MALRD1: variants seen among roughly 807,000 people sequenced by gnomAD.
MALRD1 encodes the protein MAM and LDL receptor class A domain containing 1.
MALRD1 carries 247 observed loss-of-function variants against 242.1 expected under a neutral mutation model. That is an observed-to-expected ratio of 1.02 (90% confidence interval 0.92 to 1.13). The LOEUF is 1.13. MALRD1 is among the 50% of genes most tolerant of loss of function. The pLI, the probability that MALRD1 is intolerant of heterozygous loss-of-function variation, is 0.00. For missense variants in MALRD1, 2,989 were observed against 2,533.1 expected (o/e 1.18, Z -3.86); for synonymous variants, 995 against 866.6 (o/e 1.15, Z -2.60).
chr10:19,510,120 T>C (rs1833328876), intron 31 of MALRD1, among the ~76,000 whole-genome samples: 2 of 152,204 alleles, frequency 1.3e-5, no homozygotes, highest in African/African-American at 4.8e-5. Context: ...GGTGCTGTGC[T>C]TTTGATGTGC....
chr10:19,443,234 T>G (rs559024550), intron 28 of MALRD1, among the ~76,000 whole-genome samples: 1 of 152,098 alleles, frequency 6.6e-6, no homozygotes, highest in African/African-American at 2.4e-5. Context: ...GTCTTGCTAG[T>G]GGTCTATCAA....
intron 25 of MALRD1, among the ~76,000 whole-genome samples, chr10:19,350,484 C>G (rs1422082560): frequency 1.3e-5 from 2 of 151,884 alleles, no homozygotes; most frequent in Non-Finnish European, 1.5e-5. Context: ...ACCAAGTTGG[C>G]AAGGCTGGTC....
At chr10:19,084,360 A>G (rs1015146197) in intron 2 of MALRD1, among the ~76,000 whole-genome samples, 1 of 151,948 alleles carries the variant, frequency 6.6e-6, no homozygotes, top group African/African-American at 2.4e-5. Context: ...AAGTTTTGAC[A>G]TGTTAACATT....
intron 14 of MALRD1, among the ~76,000 whole-genome samples, chr10:19,202,561 T>C (rs1372089174): frequency 1.3e-5 from 2 of 152,176 alleles, no homozygotes; most frequent in East Asian, 3.9e-4. Context: ...TGTAATCTCA[T>C]TTAGTGATTT....
intron 5 of MALRD1, among the ~76,000 whole-genome samples, chr10:19,106,388 G>A (rs937702371): frequency 6.6e-6 from 1 of 151,690 alleles, no homozygotes; most frequent in Admixed American, 6.6e-5. Flanking sequence ...TAGGTTTTAT[G>A]TGTCCAGGAA....
At chr10:19,637,518 G>A (rs1840193644) in intron 36 of MALRD1, among the ~76,000 whole-genome samples, 1 of 152,174 alleles carries the variant, frequency 6.6e-6, no homozygotes, top group South Asian at 2.1e-4. Context: ...TGGATACCAT[G>A]TTGACCCGGC....
chr10:19,399,535 T>C (rs1289261070), intron 28 of MALRD1, among the ~76,000 whole-genome samples: 4 of 152,328 alleles, frequency 2.6e-5, no homozygotes, highest in Admixed American at 2.6e-4. Context: ...CTGACTCGGA[T>C]GCTGCTATAA....
intron 18 of MALRD1, among the ~76,000 whole-genome samples, chr10:19,227,183 A>G (rs1040821333): frequency 6.6e-6 from 1 of 152,028 alleles, no homozygotes; most frequent in African/African-American, 2.4e-5. Flanking sequence ...AAGTCCAAGA[A>G]TAGCCAGAGC....
At chr10:19,143,423 A>C (rs10826998) in intron 10 of MALRD1, among the ~76,000 whole-genome samples, 57,268 of 152,068 alleles carry the variant, frequency 0.38, 11,122 homozygotes, top group Admixed American at 0.43. Context: ...CCTTCAGCAG[A>C]TATCTGAATG....
rs140982445 is a variant in MALRD1, at chr10:19,635,345, G to A, written c.6137+19422G>A. Among the ~76,000 whole-genome samples, 1,408 of 152,260 alleles carry A rather than the reference G, an allele frequency of 9.2e-3. 19 individuals carry two copies. The highest frequency in any genetic ancestry group is 0.032 in the African/African-American group (1,322 of 41,566). ...ATAAGTCAACTGAAAATGTGTTTATGTAAGTGTGTTTATGATCCTCAAAAA... is the reference window on the plus strand; with the variant it reads ...ATAAGTCAACTGAAAATGTGTTTATATAAGTGTGTTTATGATCCTCAAAAA... On this transcript the variant is annotated intron_variant, in intron 36 of 39. Transcript: ENST00000454679.
intron 19 of MALRD1, among the ~76,000 whole-genome samples, chr10:19,278,652 C>G (rs530737232): frequency 7.2e-5 from 11 of 152,152 alleles, no homozygotes; most frequent in African/African-American, 2.7e-4. Flanking sequence ...TCCCAAATAC[C>G]TGTAATGAAA....
At chr10:19,313,679 AG>A (rs1405750689) in intron 21 of MALRD1, among the ~76,000 whole-genome samples, 3 of 151,620 alleles carry the variant, frequency 2.0e-5, no homozygotes, top group African/African-American at 7.3e-5. Flanking sequence ...GTATTTACTG[AG>A]ACTCTTAGAG....
At chr10:19,282,057 T>C (rs769630615) in intron 20 of MALRD1, among the ~76,000 whole-genome samples, 5 of 152,030 alleles carry the variant, frequency 3.3e-5, no homozygotes, top group Non-Finnish European at 7.4e-5. Context: ...TTGACTCTAC[T>C]GTAATATTGT....
chr10:19,587,907 A>C (rs1051660684), intron 33 of MALRD1, among the ~76,000 whole-genome samples: 1 of 81,730 alleles, frequency 1.2e-5, no homozygotes, highest in African/African-American at 3.1e-5. Context: ...TCCTTATCCT[A>C]GGTGTTTTTT....
At chr10:19,647,429 A>G (rs1840705783) in intron 36 of MALRD1, among the ~76,000 whole-genome samples, 2 of 152,172 alleles carry the variant, frequency 1.3e-5, no homozygotes, top group Admixed American at 6.5e-5. Context: ...TAGGCCTTCC[A>G]TAGGAAAGTG....
chr10:19,111,031 G>C (rs757757010), intron 5 of MALRD1, among the ~76,000 whole-genome samples: 7 of 152,158 alleles, frequency 4.6e-5, no homozygotes, highest in Non-Finnish European at 8.8e-5. Context: ...CCTGTAATAA[G>C]ATTTTGCTAT....
At chr10:19,331,845 A>G (rs1198644138) in intron 24 of MALRD1, among the ~76,000 whole-genome samples, 2 of 152,162 alleles carry the variant, frequency 1.3e-5, no homozygotes, top group Admixed American at 1.3e-4. Context: ...AAAGAAAAAC[A>G]GAATGGAAAC....
rs1282296671 is a variant in MALRD1 at position 19,707,755 on chromosome 10, C to A, written c.6314+15201C>A. On this transcript the variant is annotated intron_variant, in intron 38 of 39. Transcript: ENST00000454679. Reference sequence around the variant, plus strand: ...CTTTAGGCCTGGAGTTCAAGACCAGCCTGGCTAACATGGTGAAACCCCATC... The same window carrying A: ...CTTTAGGCCTGGAGTTCAAGACCAGACTGGCTAACATGGTGAAACCCCATC... Among the ~76,000 whole-genome samples the A allele has an allele frequency of 1.8e-5, 2 of 111,396 alleles. 1 individual carries two copies. Among genetic ancestry groups the A allele is most frequent in the Admixed American group, 2.2e-4 (2 of 9,150 alleles). The allele number at this position is 111,396 out of a possible 152,430, so 73.1% of individuals were successfully genotyped here. A position where few individuals can be genotyped will look rare whatever the true frequency, so the allele number is the denominator to read the frequency against.
At chr10:19,469,846 T>A (rs921554917) in intron 29 of MALRD1, among the ~76,000 whole-genome samples, 1 of 152,098 alleles carries the variant, frequency 6.6e-6, no homozygotes, top group Non-Finnish European at 1.5e-5. Context: ...ACTCAATGTG[T>A]TTGGGGATAA....
Sources: gnomAD v4.1 joint callset for allele counts (sites outside exome capture counted in the v4.1 genomes callset) on GRCh38, gnomAD v4.1.1 for gene constraint, MANE v1.5 for transcripts, NCBI Gene and HGNC (gene_info 2026-07-23, HGNC 2026-07-21) for gene names.